BEAN1: variants seen among roughly 807,000 people sequenced by gnomAD.
BEAN1 encodes protein BEAN1.
Under a neutral mutation model 17.7 loss-of-function variants are expected in BEAN1, and 17 were observed. That is an observed-to-expected ratio of 0.96 (90% CI 0.66 to 1.44). The LOEUF is 1.44. Ranked by LOEUF, BEAN1 falls within the 40% of genes most tolerant of loss-of-function variation. The pLI is 0.00. For synonymous variants in BEAN1, 142 were observed against 151.8 expected (o/e 0.94, Z 0.47); for missense variants, 359 against 374.1 (o/e 0.96, Z 0.33).
chr16:66,457,573 G>C (rs1450499910), intron 2 of BEAN1, among the ~76,000 whole-genome samples: 1 of 152,066 alleles, frequency 6.6e-6, no homozygotes, highest in Non-Finnish European at 1.5e-5. Flanking sequence ...TGCCATCAAG[G>C]TGACATCCTA....
At position 66,437,081 on chromosome 16, in the gene BEAN1, A is replaced by G. The variant is rs79152630; in HGVS notation, c.-82-514A>G. Among the ~76,000 whole-genome samples, 20 of 152,024 alleles carry G rather than the reference A, an allele frequency of 1.3e-4. No homozygotes were observed. In the East Asian group the frequency reaches 3.7e-3, roughly 28 times the overall value. ...TTTATAAAATGGGGATGAAAAGAGC[A>G]TCCTCCTCTTATTTATGTTGGGGTA... On this transcript the variant is annotated intron_variant, in intron 1 of 4. Coordinates refer to ENST00000536005, the MANE Select transcript of BEAN1 (RefSeq NM_001178020.3).
intron 1 of BEAN1, among the ~76,000 whole-genome samples, chr16:66,429,306 G>A (rs922786690): frequency 1.3e-5 from 2 of 152,218 alleles, no homozygotes; most frequent in African/African-American, 4.8e-5. Context: ...GGAGGAAATG[G>A]AGCCAGTGAT....
downstream of BEAN1, among the ~76,000 whole-genome samples, chr16:66,486,314 C>T (rs890065031): frequency 7.2e-5 from 11 of 152,022 alleles, no homozygotes; most frequent in South Asian, 8.3e-4. Flanking sequence ...CTGCAACCTC[C>T]GTCTCCCAGG....
intron 2 of BEAN1, among the ~76,000 whole-genome samples, chr16:66,438,355 G>A (rs1387689672): frequency 6.6e-6 from 1 of 152,170 alleles, no homozygotes; most frequent in East Asian, 1.9e-4. Flanking sequence ...TTGCACTCCA[G>A]CCTGGGCGAC....
chr16:66,430,005 G>A (rs1961737098), intron 1 of BEAN1, among the ~76,000 whole-genome samples: 1 of 152,224 alleles, frequency 6.6e-6, no homozygotes. Flanking sequence ...GAGAAACTGA[G>A]GCCAGGAGGG....
chr16:66,437,779 C>G, intron 2 of BEAN1, 78 bp downstream of exon 2: 1 of 1,474,788 alleles, frequency 6.8e-7, no homozygotes, highest in Non-Finnish European at 9.2e-7. Context: ...CAGAGAACGG[C>G]TTGAGGTGTT....
At chr16:66,468,847 G>C (rs2041878017) in intron 2 of BEAN1, among the ~76,000 whole-genome samples, 1 of 152,162 alleles carries the variant, frequency 6.6e-6, no homozygotes, top group African/African-American at 2.4e-5. Flanking sequence ...AGAGGACTAA[G>C]TCACCCGTCC....
chr16:66,473,521 G>A lies in BEAN1; in HGVS notation c.289+3656G>A, dbSNP rs1169552921. Among the ~76,000 whole-genome samples the A allele has an allele frequency of 6.6e-6, 1 of 152,030 alleles. No individual in the cohort carries two copies. Among genetic ancestry groups the A allele is most frequent in the Admixed American group, 6.6e-5 (1 of 15,264 alleles). ...CAGGGAAGAGGGAAACGCACTGTGA[G>A]CAGCTGTGGGAGAACATGAAAGCGG... On this transcript the variant is annotated intron_variant, in intron 3 of 4. Coordinates refer to ENST00000536005, the MANE Select transcript of BEAN1 (RefSeq NM_001178020.3). The surrounding 1 kb of genome is among the most constrained non-coding windows in gnomAD (Gnocchi z 4.5).
intron 2 of BEAN1, among the ~76,000 whole-genome samples, chr16:66,442,660 G>A (rs921475889): frequency 2.6e-5 from 4 of 152,212 alleles, no homozygotes; most frequent in African/African-American, 9.6e-5. Flanking sequence ...GCTGGGGCAA[G>A]CAGCCTAATT....
chr16:66,457,118 A>C (rs1962898622), intron 2 of BEAN1, among the ~76,000 whole-genome samples: 1 of 152,204 alleles, frequency 6.6e-6, no homozygotes, highest in African/African-American at 2.4e-5. Flanking sequence ...TGAGAGGTCC[A>C]TTTTAGTCTG....
At chr16:66,441,433 A>G (rs369458662) in intron 2 of BEAN1, among the ~76,000 whole-genome samples, 8 of 152,246 alleles carry the variant, frequency 5.3e-5, no homozygotes, top group South Asian at 2.1e-4. Flanking sequence ...GCTGTTGTGC[A>G]CTTAGATACA....
intron 1 of BEAN1, among the ~76,000 whole-genome samples, chr16:66,431,749 T>C (rs990519144): frequency 5.3e-5 from 8 of 152,068 alleles, no homozygotes; most frequent in African/African-American, 1.9e-4. Flanking sequence ...TTTTTTTTTC[T>C]TTTTTTCCCC....
intron 3 of BEAN1, among the ~76,000 whole-genome samples, chr16:66,472,462 G>C (rs1963520629): frequency 6.6e-6 from 1 of 152,248 alleles, no homozygotes; most frequent in South Asian, 2.1e-4. Context: ...CTAGCACTTT[G>C]GGAGGCTGAG....
intron 2 of BEAN1, among the ~76,000 whole-genome samples, chr16:66,448,008 C>A (rs2142394877): frequency 6.6e-6 from 1 of 152,200 alleles, no homozygotes; most frequent in East Asian, 1.9e-4. Flanking sequence ...AAACTGTGAC[C>A]CAAGGCACAT....
At chr16:66,493,183 G>A in exon 5 of BEAN1, 1 of 703,006 alleles carries the variant, frequency 1.4e-6, no homozygotes, top group East Asian at 2.7e-5. Context: ...GGATGCTTGA[G>A]CCGGGCACAG....
intron 2 of BEAN1, among the ~76,000 whole-genome samples, chr16:66,457,231 T>A (rs1055674346): frequency 6.6e-6 from 1 of 152,112 alleles, no homozygotes; most frequent in Non-Finnish European, 1.5e-5. Context: ...GAATGACGGA[T>A]GGATGGATGA....
Position 66,470,944 on chromosome 16 carries a change from A to T in BEAN1, c.289+1079A>T, listed in dbSNP as rs545404807. ...GGCCACCACCAGATAGGGAAAAGAA[A>T]AGCAGGACCTTGGAGGTGCTTAACA... On this transcript the variant is annotated intron_variant, in intron 3 of 4. Transcript: ENST00000536005. Among the ~76,000 whole-genome samples, 4 of 152,360 alleles carry T rather than the reference A, an allele frequency of 2.6e-5. No homozygotes were observed. In the South Asian group the frequency reaches 8.3e-4, roughly 32 times the overall value.
intron 1 of BEAN1, among the ~76,000 whole-genome samples, chr16:66,432,339 T>C: frequency 6.6e-6 from 1 of 152,220 alleles, no homozygotes; most frequent in East Asian, 1.9e-4. Flanking sequence ...TCACCTCACA[T>C]GAAGACCTTC....
Position 66,477,540 on chromosome 16 carries a change from C to A in BEAN1, c.290-20C>A, listed in dbSNP as rs745985399. The A allele has an allele frequency of 6.6e-7, 1 of 1,519,934 alleles. No individual in the cohort carries two copies. Among genetic ancestry groups the A allele is most frequent in the Admixed American group, 2.1e-5 (1 of 48,416 alleles). The allele number at this position is 1,519,934 out of a possible 1,614,324, so 94.2% of individuals were successfully genotyped here. The stretch of plus-strand genomic sequence containing the variant: ...CTGGATCCTGGTCTGAGGCCCAGGC[C>A]GGTGGTCTGTTCCCTGCAGTGTCGG... On this transcript the variant is annotated intron_variant, in intron 3 of 4. Transcript: ENST00000536005.
Sources: gnomAD v4.1 joint callset for allele counts (sites outside exome capture counted in the v4.1 genomes callset) on GRCh38, gnomAD v4.1.1 for gene constraint, Gnocchi (gnomAD v3.1) non-coding constraint, MANE v1.5 for transcripts, NCBI Gene and HGNC (gene_info 2026-07-23, HGNC 2026-07-21) for gene names.